STK31: variants seen among roughly 807,000 people sequenced by gnomAD.
The protein encoded by STK31 is serine/threonine kinase 31, also known as serine/threonine-protein kinase 31.
In STK31, 89 loss-of-function variants were observed where a neutral mutation model predicts 129.7. That is an observed-to-expected ratio of 0.69 (90% confidence interval 0.58 to 0.82). The LOEUF (loss-of-function observed/expected upper bound fraction) is 0.82, where lower values mean the gene tolerates loss of function less well. STK31 is among the 40% of genes least tolerant of loss of function. STK31 has a pLI of 0.00. For synonymous variants in STK31, 448 were observed against 395.3 expected (o/e 1.13, Z -1.58); for missense variants, 1,187 against 1,176.4 (o/e 1.01, Z -0.13).
intron 23 of STK31, among the ~76,000 whole-genome samples, chr7:23,831,172 A>G (rs1794519959): frequency 6.6e-6 from 1 of 152,168 alleles, no homozygotes; most frequent in Non-Finnish European, 1.5e-5. Flanking sequence ...GTGTAAAATC[A>G]GTTTTTTTAA....
intron 8 of STK31, among the ~76,000 whole-genome samples, chr7:23,750,068 C>T (rs1788611993): frequency 1.3e-5 from 1 of 77,388 alleles, no homozygotes; most frequent in African/African-American, 4.3e-5. Flanking sequence ...TGGTTTGTTT[C>T]CCCCCCCGCC....
At chr7:23,831,986 T>G in intron 23 of STK31, 150 bp from the exon 24 acceptor site, 1 of 611,376 alleles carries the variant, frequency 1.6e-6, no homozygotes, top group South Asian at 2.1e-5. Context: ...TGGTGTTTTT[T>G]TTTGTTGAGG....
intron 8 of STK31, among the ~76,000 whole-genome samples, chr7:23,748,426 T>C (rs11971819): frequency 0.25 from 38,331 of 152,158 alleles, 5,161 homozygotes; most frequent in East Asian, 0.39. Flanking sequence ...TCTGCTGTTA[T>C]TGGATGAAGC....
intron 3 of STK31, among the ~76,000 whole-genome samples, chr7:23,716,536 G>T (rs893952160): frequency 2.0e-5 from 3 of 152,022 alleles, no homozygotes; most frequent in Non-Finnish European, 4.4e-5. Flanking sequence ...GCCTAATGAT[G>T]ATTTTCTATT....
At chr7:23,770,118 A>G (rs1477670980) in intron 13 of STK31, among the ~76,000 whole-genome samples, 1 of 152,202 alleles carries the variant, frequency 6.6e-6, no homozygotes, top group African/African-American at 2.4e-5. Flanking sequence ...GTGAAAACTT[A>G]AAATCTGAGA....
intron 22 of STK31, among the ~76,000 whole-genome samples, chr7:23,808,716 C>A (rs957565299): frequency 1.3e-5 from 2 of 152,094 alleles, no homozygotes; most frequent in Admixed American, 1.3e-4. Context: ...GGATACCATG[C>A]TAGTGGAGGA....
intron 22 of STK31, among the ~76,000 whole-genome samples, chr7:23,803,899 C>G (rs1792531995): frequency 6.6e-6 from 1 of 152,114 alleles, no homozygotes; most frequent in African/African-American, 2.4e-5. Flanking sequence ...AGGTTCTTCA[C>G]TATATTTTTA....
chr7:23,724,582 C>T (rs1483216669), intron 4 of STK31, among the ~76,000 whole-genome samples: 1 of 152,152 alleles, frequency 6.6e-6, no homozygotes, highest in African/African-American at 2.4e-5. Flanking sequence ...TACCTTATAC[C>T]AAATTATTAA....
At chr7:23,822,234 C>T (rs1338082496) in intron 23 of STK31, among the ~76,000 whole-genome samples, 1 of 152,126 alleles carries the variant, frequency 6.6e-6, no homozygotes, top group African/African-American at 2.4e-5. Flanking sequence ...GTAGTATGGG[C>T]ATTTTAACAA....
intron 21 of STK31, among the ~76,000 whole-genome samples, chr7:23,790,007 C>CCT (rs1791520510): frequency 6.6e-6 from 1 of 152,100 alleles, no homozygotes. Flanking sequence ...ATACAACTCA[C>CCT]CTGGGGTTCA....
intron 22 of STK31, among the ~76,000 whole-genome samples, chr7:23,806,563 G>T (rs1584478005): frequency 6.6e-6 from 1 of 152,090 alleles, no homozygotes; most frequent in Non-Finnish European, 1.5e-5. Flanking sequence ...AGCAGACTGG[G>T]GAATAGAACT....
chr7:23,812,212 A>G (rs1793178890), intron 22 of STK31, among the ~76,000 whole-genome samples: 1 of 152,160 alleles, frequency 6.6e-6, no homozygotes, highest in Admixed American at 6.6e-5. Flanking sequence ...TTTACTGGAC[A>G]TAGAATTTGT....
At chr7:23,730,878 A>ATATATATATTTTTTTTTTTT in intron 6 of STK31, among the ~76,000 whole-genome samples, 26 of 59,532 alleles carry the variant, frequency 4.4e-4, no homozygotes, top group Non-Finnish European at 7.9e-4. Flanking sequence ...ATATATATAT[A>ATATATATATTTTTTTTTTTT]TTTTTTTTTT....
chr7:23,721,328 C>T (rs1483212584), intron 4 of STK31: 2 of 697,976 alleles, frequency 2.9e-6, no homozygotes, highest in Non-Finnish European at 5.1e-6. Context: ...TAAAATATGT[C>T]AAGTAAGCTT....
At chr7:23,777,348 C>A (rs1295260103) in intron 15 of STK31, among the ~76,000 whole-genome samples, 1 of 151,998 alleles carries the variant, frequency 6.6e-6, no homozygotes, top group East Asian at 1.9e-4. Context: ...TCCACTTGGT[C>A]CAGAGTTGAG....
chr7:23,780,652 T>C (rs979174488), intron 15 of STK31, among the ~76,000 whole-genome samples: 2 of 152,194 alleles, frequency 1.3e-5, no homozygotes, highest in Admixed American at 6.5e-5. Context: ...AGATATGCAT[T>C]TGTCTCAGTT....
chr7:23,785,603 G>C lies in STK31; in HGVS notation c.2274G>C (p.Lys758Asn). The change falls in exon 18 of 24, where the codon AAG becomes AAC. Residue 758 changes from lysine to asparagine, a missense_variant and splice_region_variant. Coordinates refer to ENST00000355870, the MANE Select transcript of STK31 (RefSeq NM_031414.5). ...SEVNGQIILL[K>N]GYSVDVDTEA... The stretch of plus-strand genomic sequence containing the variant: ...TTAATGGGCAGATAATTCTGTTAAA[G>C]GTAAGTCTAACTTCTTCTTACTTGT... The C allele has an allele frequency of 6.2e-7, 1 of 1,611,232 alleles. No individual in the cohort carries two copies. Among genetic ancestry groups the C allele is most frequent in the South Asian group, 1.1e-5 (1 of 90,952 alleles).
intron 1 of STK31, 24 bp downstream of exon 1, chr7:23,710,359 G>T (rs746445634): frequency 6.2e-7 from 1 of 1,613,404 alleles, no homozygotes; most frequent in Admixed American, 1.7e-5. Flanking sequence ...TTTGTGGTAC[G>T]TGCAGTGGTG....
At chr7:23,774,975 A>G (rs1790446753) in intron 15 of STK31, among the ~76,000 whole-genome samples, 1 of 152,236 alleles carries the variant, frequency 6.6e-6, no homozygotes, top group Non-Finnish European at 1.5e-5. Flanking sequence ...GAAGGTATCC[A>G]GTTTCAGCTT....
Sources: allele counts gnomAD v4.1 joint callset (sites outside exome capture counted in the v4.1 genomes callset), GRCh38; gene constraint gnomAD v4.1.1; transcripts MANE v1.5; gene names NCBI Gene and HGNC (gene_info 2026-07-23, HGNC 2026-07-21).